The following ANKRD10 variants were observed in gnomAD, a reference collection of about 807,000 sequenced individuals.
ANKRD10 encodes the protein ankyrin repeat domain-containing protein 10.
In ANKRD10, 14 loss-of-function variants were observed where a neutral mutation model predicts 27.0. The ratio of observed to expected loss-of-function variants is 0.52; its 90% CI spans 0.34 to 0.81. The LOEUF (loss-of-function observed/expected upper bound fraction) is 0.81, where lower values mean the gene tolerates loss of function less well. Among genes scored for constraint, ANKRD10 ranks in the 40% least tolerant of loss-of-function variants. The pLI is 0.01. For synonymous variants in ANKRD10, 250 were observed against 224.5 expected, an observed-to-expected ratio of 1.11 and a Z score of -1.01; for missense variants, 493 against 544.0, an observed-to-expected ratio of 0.91 and a Z score of 0.93.
At chr13:110,888,214 T>C (rs2064984768) in intron 4 of ANKRD10, among the ~76,000 whole-genome samples, 1 of 149,944 alleles carries the variant, frequency 6.7e-6, no homozygotes, top group Non-Finnish European at 1.5e-5. Context: ...AAAAGCGGCT[T>C]GTGATCAAGT....
intron 4 of ANKRD10, among the ~76,000 whole-genome samples, chr13:110,888,365 G>A: frequency 6.6e-6 from 1 of 151,938 alleles, no homozygotes; most frequent in Non-Finnish European, 1.5e-5. Flanking sequence ...AATTCAGACT[G>A]TATTTCAAGA....
intron 3 of ANKRD10, chr13:110,900,505 TAA>T: frequency 7.9e-7 from 1 of 1,260,618 alleles, no homozygotes; most frequent in Non-Finnish European, 1.0e-6. Context: ...AGATTAGCGT[TAA>T]AACCAATCAC....
At chr13:110,914,591 G>A in intron 1 of ANKRD10, 134 bp downstream of exon 1, 5 of 1,355,660 alleles carry the variant, frequency 3.7e-6, no homozygotes, top group Non-Finnish European at 4.9e-6. Flanking sequence ...AGGCCCCTCG[G>A]GGCACAGGCG....
intron 2 of ANKRD10, among the ~76,000 whole-genome samples, chr13:110,910,110 C>T (rs1012400239): frequency 3.9e-5 from 6 of 152,160 alleles, no homozygotes; most frequent in Non-Finnish European, 7.3e-5. Flanking sequence ...AAATCTGGCA[C>T]GATTATGTTC....
At chr13:110,891,576 T>C (rs986073410) in intron 4 of ANKRD10, among the ~76,000 whole-genome samples, 1 of 152,180 alleles carries the variant, frequency 6.6e-6, no homozygotes, top group African/African-American at 2.4e-5. Context: ...TTATCAACTT[T>C]ATAGGGAAAA....
At chr13:110,914,264 CCT>C (rs1210311780) in intron 1 of ANKRD10, among the ~76,000 whole-genome samples, 1 of 152,172 alleles carries the variant, frequency 6.6e-6, no homozygotes, top group East Asian at 1.9e-4. Flanking sequence ...TCCCCGCGCG[CCT>C]CTGACCCCAG....
intron 3 of ANKRD10, among the ~76,000 whole-genome samples, chr13:110,896,521 C>A (rs563830517): frequency 6.6e-6 from 1 of 152,322 alleles, no homozygotes. Flanking sequence ...TCCCTGCTCA[C>A]ATTAAAAATC....
chr13:110,905,285 A>G (rs548380500), intron 3 of ANKRD10: 2 of 152,330 alleles, frequency 1.3e-5, no homozygotes, highest in East Asian at 3.9e-4. Context: ...AGTTAATACA[A>G]ATAAATGTAA....
Position 110,879,544 on chromosome 13 carries a change from A to T in ANKRD10, c.*93T>A. ...AGTTGAAGTATATAAAAAACGTACA[A>T]GTTGTGACATTCGTTCAAGTTGCTG... is the stretch of plus-strand genomic sequence containing the variant. On this transcript the variant is annotated 3_prime_UTR_variant, in exon 6 of 6. Coordinates refer to ENST00000267339, the MANE Select transcript of ANKRD10 (RefSeq NM_017664.4). 1 of 959,584 alleles carries T rather than the reference A, an allele frequency of 1.0e-6. No individual in the cohort carries two copies. Among genetic ancestry groups the T allele is most frequent in the Non-Finnish European group, 1.6e-6 (1 of 641,166 alleles). 59.4% of individuals were successfully genotyped at this position (959,584 alleles called of 1,614,324 possible).
At position 110,887,410 on chromosome 13, in the gene ANKRD10, A is replaced by T. The variant is rs574810588; in HGVS notation, c.692-3617T>A. 7.2e-5 allele frequency among the ~76,000 whole-genome samples: 11 copies of T among 152,300 alleles called. No homozygotes were observed. In the South Asian group the frequency reaches 1.9e-3, roughly 26 times the overall value. ...GCTTATGGGAGTGCTGACCAGGTGG[A>T]GTGAAGACACTCCAGTGCACCACTC... On this transcript the variant is annotated intron_variant, in intron 4 of 5. Transcript: ENST00000267339.
intron 4 of ANKRD10, among the ~76,000 whole-genome samples, chr13:110,888,753 G>A (rs937486384): frequency 5.3e-5 from 8 of 152,234 alleles, no homozygotes; most frequent in East Asian, 1.9e-4. Flanking sequence ...ACTTTCCACC[G>A]GTAATTTTAC....
chr13:110,881,900 C>T (rs886120270), intron 5 of ANKRD10, among the ~76,000 whole-genome samples: 6 of 152,170 alleles, frequency 3.9e-5, no homozygotes, highest in Non-Finnish European at 8.8e-5. Context: ...CACCTCAGAC[C>T]TACTGAGGCA....
In ANKRD10 at chr13:110,879,210, G is replaced by A. The variant is rs528615270; in HGVS notation, c.*427C>T. The stretch of plus-strand genomic sequence containing the variant: ...TTGCATAGGGAAATAGCTGTGTTCC[G>A]TCAAATTCTACAGAAAAGAGTGGAA... On this transcript the variant is annotated 3_prime_UTR_variant, in exon 6 of 6. Coordinates refer to ENST00000267339, the MANE Select transcript of ANKRD10 (RefSeq NM_017664.4). 9.6e-4 allele frequency: 184 copies of A among 192,418 alleles called. No individual in the cohort carries two copies. Among genetic ancestry groups the A allele is most frequent in the African/African-American group, 4.1e-3 (178 of 43,488 alleles). 11.9% of individuals were successfully genotyped at this position (192,418 alleles called of 1,614,324 possible).
chr13:110,880,562 GA>G (rs969298144), intron 5 of ANKRD10, among the ~76,000 whole-genome samples: 2 of 151,868 alleles, frequency 1.3e-5, no homozygotes, highest in Non-Finnish European at 2.9e-5. Flanking sequence ...AGCGAAAATG[GA>G]AAAAAAGGTA....
intron 5 of ANKRD10, 200 bp downstream of exon 5, chr13:110,883,498 G>C: frequency 7.6e-7 from 1 of 1,320,858 alleles, no homozygotes; most frequent in African/African-American, 1.5e-5. Context: ...AAAGACACTG[G>C]ACAACAAAGT....
intron 3 of ANKRD10, among the ~76,000 whole-genome samples, chr13:110,893,745 G>GT (rs1329498085): frequency 6.6e-6 from 1 of 152,248 alleles, no homozygotes; most frequent in Admixed American, 6.5e-5. Context: ...ATGTGACACT[G>GT]TAAGTGGAAG....
chr13:110,896,772 A>G (rs1229237620), intron 3 of ANKRD10, among the ~76,000 whole-genome samples: 1 of 152,196 alleles, frequency 6.6e-6, no homozygotes, highest in African/African-American at 2.4e-5. Flanking sequence ...TGAAACTGAA[A>G]TTTCATCTAA....
At chr13:110,889,704 T>A (rs902914513) in intron 4 of ANKRD10, among the ~76,000 whole-genome samples, 5 of 152,232 alleles carry the variant, frequency 3.3e-5, no homozygotes, top group Non-Finnish European at 7.3e-5. Flanking sequence ...CAAAGTGTTT[T>A]GGCTTTTTCT....
intron 1 of ANKRD10, 118 bp downstream of exon 1, chr13:110,914,607 G>T: frequency 8.6e-6 from 12 of 1,403,496 alleles, no homozygotes; most frequent in Non-Finnish European, 1.1e-5. Context: ...AGGCGCCGTC[G>T]ATCCCGCTTC....
Sources: allele counts gnomAD v4.1 joint callset (sites outside exome capture counted in the v4.1 genomes callset), GRCh38; gene constraint gnomAD v4.1.1; transcripts MANE v1.5; gene names NCBI Gene and HGNC (gene_info 2026-07-23, HGNC 2026-07-21).